MKNK2: variants seen among roughly 807,000 people sequenced by gnomAD.
MKNK2 encodes MAP kinase-interacting serine/threonine-protein kinase 2.
A neutral mutation model predicts 55.0 loss-of-function variants in MKNK2; 54 were observed. That is an observed-to-expected ratio of 0.98 (90% CI 0.79 to 1.23). The LOEUF (loss-of-function observed/expected upper bound fraction) is 1.23, where lower values mean the gene tolerates loss of function less well. MKNK2 is among the 50% of genes most tolerant of loss of function. The probability of loss-of-function intolerance (pLI) is 0.00; values close to 1 mark genes in which losing one functional copy is unlikely to be tolerated. For missense variants in MKNK2, 685 were observed against 632.1 expected, an observed-to-expected ratio of 1.08 and a Z score of -0.90; for synonymous variants, 323 against 256.0, an observed-to-expected ratio of 1.26 and a Z score of -2.50.
At position 2,042,009 on chromosome 19, in the gene MKNK2, G is replaced by T. The variant is rs866943570; in HGVS notation, c.776C>A (p.Pro259Gln). The T allele has an allele frequency of 1.3e-6, 2 of 1,542,840 alleles. No individual in the cohort carries two copies. Among genetic ancestry groups the T allele is most frequent in the Admixed American group, 2.0e-5 (1 of 49,294 alleles). Residue 259 changes from proline to glutamine, a missense_variant, in exon 11 of 14, where the codon CCG (proline) becomes CAG (glutamine). Transcript: ENST00000250896. The part of the protein sequence containing the change: ...TPCGSAEYMA[P>Q]EVVEAFSEEA... ...CTCGCTGAAGGCCTCCACTACCTCC[G>T]GGGCCATGTACTCCGCCGAGCCGCA...
At position 2,042,210 on chromosome 19, in the gene MKNK2, C is replaced by G. The variant is rs1432213464; in HGVS notation, c.751-176G>C. ...CAATCAGCAGGTGCAGAGCTCGCCC[C>G]TCCCCCGCCGCGGCCCCGCCCCACC... On this transcript the variant is annotated intron_variant, in intron 10 of 13. Coordinates refer to ENST00000250896, the MANE Select transcript of MKNK2 (RefSeq NM_199054.3). 8 of 729,878 alleles carry G rather than the reference C, an allele frequency of 1.1e-5. 1 individual carries two copies. The African/African-American group carries it at 1.3e-4, about 12-fold the overall frequency. The allele number at this position is 729,878 out of a possible 1,614,324, so 45.2% of individuals were successfully genotyped here.
chr19:2,042,903 A>G, intron 7 of MKNK2, 33 bp from the exon 8 acceptor site: 1 of 1,540,648 alleles, frequency 6.5e-7, no homozygotes, highest in Non-Finnish European at 8.8e-7. Flanking sequence ...GGACAGGGGG[A>G]ACACGCAGGT....
rs1299578300 is a variant in MKNK2, at chr19:2,039,060, A to C, written c.*553T>G. 9.1e-6 allele frequency: 9 copies of C among 986,344 alleles called. No homozygotes were observed. Among genetic ancestry groups the C allele is most frequent in the East Asian group, 1.1e-4 (1 of 8,834 alleles). The allele number at this position is 986,344 out of a possible 1,614,324, so 61.1% of individuals were successfully genotyped here. The stretch of plus-strand genomic sequence containing the variant: ...GAGCTGCCTGCCACCTGCCTGCCTG[A>C]CACCTCCAGAGACAGGCAGCCCCTC... On this transcript the variant is annotated 3_prime_UTR_variant, in exon 14 of 14. Coordinates refer to ENST00000250896, the MANE Select transcript of MKNK2 (RefSeq NM_199054.3).
Position 2,043,391 on chromosome 19 carries a change from C to T in MKNK2, c.419+112G>A, listed in dbSNP as rs559362360. 2.1e-4 allele frequency: 233 copies of T among 1,134,702 alleles called. 1 individual carries two copies. Among genetic ancestry groups the T allele is most frequent in the South Asian group, 1.6e-3 (125 of 79,154 alleles). The allele number at this position is 1,134,702 out of a possible 1,614,324, so 70.3% of individuals were successfully genotyped here. A position where few individuals can be genotyped will look rare whatever the true frequency, so the allele number is the denominator to read the frequency against. ...CTGCTTCAGGGAGGGGAATGCAGGGCCTGGGAAACTGGGTGCCCTACAGAC... is the reference window on the plus strand; with the variant it reads ...CTGCTTCAGGGAGGGGAATGCAGGGTCTGGGAAACTGGGTGCCCTACAGAC... On this transcript the variant is annotated intron_variant, in intron 6 of 13. Coordinates refer to ENST00000250896, the MANE Select transcript of MKNK2 (RefSeq NM_199054.3).
chr19:2,037,813 G>A lies in MKNK2; in HGVS notation c.*1800C>T, dbSNP rs1367212772. On this transcript the variant is annotated 3_prime_UTR_variant, in exon 14 of 14. Transcript: ENST00000250896. ...ATGCGACAGGGGTGGGGAGGGAGGAGGAAGTGACTGTCCCACCTTCAGAAA... is the reference window on the plus strand; with the variant it reads ...ATGCGACAGGGGTGGGGAGGGAGGAAGAAGTGACTGTCCCACCTTCAGAAA... 3.1e-6 allele frequency: 5 copies of A among 1,601,116 alleles called. No individual in the cohort carries two copies. In the South Asian group the frequency reaches 3.3e-5, roughly 11 times the overall value.
chr19:2,050,974 G>A (rs2017106008), intron 1 of MKNK2, 27 bp from the exon 2 acceptor site: 3 of 568,528 alleles, frequency 5.3e-6, no homozygotes, highest in East Asian at 3.7e-5. Flanking sequence ...ACAAAGGGAG[G>A]GCGGTGAGCG....
chr19:2,037,930 G>C lies in MKNK2; in HGVS notation c.*1683C>G. The C allele has an allele frequency of 1.4e-6, 2 of 1,397,324 alleles. No individual in the cohort carries two copies. Among genetic ancestry groups the C allele is most frequent in the East Asian group, 5.1e-5 (2 of 39,236 alleles). 86.6% of individuals were successfully genotyped at this position (1,397,324 alleles called of 1,614,324 possible). A position where few individuals can be genotyped will look rare whatever the true frequency, so the allele number is the denominator to read the frequency against. ...GCCTGCAGCGGGCGGGGGTCCATTT[G>C]CTTGTTCTTTGATACAAAAAGGCAG... On this transcript the variant is annotated 3_prime_UTR_variant, in exon 14 of 14. Coordinates refer to ENST00000250896, the MANE Select transcript of MKNK2 (RefSeq NM_199054.3).
intron 5 of MKNK2, among the ~76,000 whole-genome samples, chr19:2,045,218 C>T (rs546706142): frequency 5.3e-5 from 8 of 152,264 alleles, no homozygotes; most frequent in African/African-American, 1.9e-4. Flanking sequence ...CTCTGAGACA[C>T]CAGTTAGGAT....
intron 2 of MKNK2, among the ~76,000 whole-genome samples, chr19:2,049,187 G>A (rs1435846619): frequency 3.3e-5 from 5 of 152,330 alleles, no homozygotes; most frequent in South Asian, 4.1e-4. Context: ...CTCCTCGCCC[G>A]TGTACAGGGG....
intron 13 of MKNK2, 40 bp downstream of exon 13, chr19:2,040,094 C>T (rs1300014497): frequency 2.6e-6 from 4 of 1,563,368 alleles, no homozygotes; most frequent in Non-Finnish European, 3.5e-6. Context: ...AAACCCCGCC[C>T]CCTGGACTCA....
chr19:2,046,100 A>G (rs2016989530), intron 5 of MKNK2, 86 bp downstream of exon 5: 1 of 1,346,774 alleles, frequency 7.4e-7, no homozygotes, highest in Non-Finnish European at 1.0e-6. Flanking sequence ...TGTAGGACGG[A>G]CAGCCGGAAT....
intron 3 of MKNK2, 33 bp from the exon 4 acceptor site, chr19:2,046,501 A>G: frequency 6.3e-7 from 1 of 1,594,698 alleles, no homozygotes; most frequent in African/African-American, 1.3e-5. Flanking sequence ...GGGGCTCAGG[A>G]CATGGCCCTG....
At position 2,039,729 on chromosome 19, in the gene MKNK2, G is replaced by C; in HGVS notation, c.1282C>G (p.Arg428Gly). The change falls in exon 14 of 14, where the codon CGA becomes GGA. Residue 428 changes from arginine (R) to glycine (G), a missense_variant. Transcript: ENST00000250896. The stretch of plus-strand genomic sequence containing the variant: ...AGCTGCAGGCAGCGTGAGGTAGCTC[G>C]GACCAGGACGGGCTGGCCCTGCCCC... ...AAGQGQPVLV[R>G]ATSRCLQLSP... 1.2e-6 allele frequency: 2 copies of C among 1,611,170 alleles called. No homozygotes were observed. The highest frequency in any genetic ancestry group is 1.1e-5 in the South Asian group (1 of 91,074).
rs778591377 is a variant in MKNK2, at chr19:2,039,586, C to G, written c.*27G>C. The G allele has an allele frequency of 2.5e-6, 4 of 1,597,512 alleles. No individual in the cohort carries two copies. The highest frequency in any genetic ancestry group is 3.4e-6 in the Non-Finnish European group (4 of 1,171,104). ...TTAGATTTGATTGGGGGACGGGTGA[C>G]CTATGTACAGAGGGGAGATGGGAGG... On this transcript the variant is annotated 3_prime_UTR_variant, in exon 14 of 14. Coordinates refer to ENST00000250896, the MANE Select transcript of MKNK2 (RefSeq NM_199054.3).
intron 11 of MKNK2, 139 bp downstream of exon 11, chr19:2,041,701 G>A (rs952090834): frequency 1.5e-5 from 10 of 657,036 alleles, no homozygotes; most frequent in Admixed American, 3.2e-5. Context: ...GCAGGTCCCC[G>A]AGGGTTAGGG....
chr19:2,050,833 C>G lies in MKNK2; in HGVS notation c.19G>C (p.Ala7Pro). MVQKKP[A>P]ELQGFHRSFK... ...GAACGGTGGAAACCCTGAAGTTCGG[C>G]TGGTTTCTTCTGCACCATCTTCTGT... is the stretch of plus-strand genomic sequence containing the variant. The change falls in exon 2 of 14, where the codon GCC (alanine) becomes CCC (proline). Residue 7 changes from alanine to proline, a missense_variant. By Grantham distance (27) the Ala-to-Pro change is conservative. Coordinates refer to ENST00000250896, the MANE Select transcript of MKNK2 (RefSeq NM_199054.3). 1 of 1,537,010 alleles carries G rather than the reference C, an allele frequency of 6.5e-7. No individual in the cohort carries two copies. Among genetic ancestry groups the G allele is most frequent in the Non-Finnish European group, 8.8e-7 (1 of 1,141,554 alleles).
At chr19:2,044,669 G>A (rs2016960887) in intron 5 of MKNK2, among the ~76,000 whole-genome samples, 1 of 152,208 alleles carries the variant, frequency 6.6e-6, no homozygotes, top group African/African-American at 2.4e-5. Flanking sequence ...TGTCTATACT[G>A]ACAGACAACA....
At position 2,038,270 on chromosome 19, in the gene MKNK2, A is replaced by G; in HGVS notation, c.*1343T>C. 8.1e-6 allele frequency: 8 copies of G among 987,366 alleles called. No individual in the cohort carries two copies. The highest frequency in any genetic ancestry group is 9.6e-6 in the Non-Finnish European group (8 of 830,962). The allele number at this position is 987,366 out of a possible 1,614,324, so 61.2% of individuals were successfully genotyped here. A position where few individuals can be genotyped will look rare whatever the true frequency, so the allele number is the denominator to read the frequency against. On this transcript the variant is annotated 3_prime_UTR_variant, in exon 14 of 14. Coordinates refer to ENST00000250896, the MANE Select transcript of MKNK2 (RefSeq NM_199054.3). ...TTGTTTTTTTTTAAGGAAAAACTAA[A>G]AAACTAAACAGGAGGAAGAATCCCG... is the stretch of plus-strand genomic sequence containing the variant.
intron 12 of MKNK2, chr19:2,040,808 G>A (rs927772013): frequency 5.3e-6 from 3 of 566,048 alleles, no homozygotes; most frequent in Non-Finnish European, 9.5e-6. Flanking sequence ...CCTCCAGGAA[G>A]GTTCTCTGAG....
Sources: allele counts gnomAD v4.1 joint callset (sites outside exome capture counted in the v4.1 genomes callset), GRCh38; gene constraint gnomAD v4.1.1; transcripts MANE v1.5; gene names NCBI Gene and HGNC (gene_info 2026-07-23, HGNC 2026-07-21).